RRAGB: variants seen among roughly 807,000 people sequenced by gnomAD.
RRAGB encodes Ras related GTP binding B, also known as ras-related GTP-binding protein B.
A neutral mutation model predicts 29.3 loss-of-function variants in RRAGB; 6 were observed. The observed-to-expected ratio is 0.21, with a 90% CI of 0.11 to 0.40. The LOEUF is 0.40. RRAGB is among the 10% of genes least tolerant of loss of function. The probability of loss-of-function intolerance (pLI) is 1.00; values close to 1 mark genes in which losing one functional copy is unlikely to be tolerated. For synonymous variants in RRAGB, 101 were observed against 92.5 expected (o/e 1.09, Z -0.53); for missense variants, 184 against 272.9 (o/e 0.67, Z 2.29).
At chrX:55,746,099 A>C (rs927362876) in intron 5 of RRAGB, among the ~76,000 whole-genome samples, 3 of 111,458 alleles carry the variant, frequency 2.7e-5, no homozygotes, top group African/African-American at 9.8e-5. Flanking sequence ...AATACTTGGC[A>C]GTGTCCTTCC....
intron 5 of RRAGB, among the ~76,000 whole-genome samples, chrX:55,744,510 T>C (rs2034183923): frequency 9.1e-6 from 1 of 110,348 alleles, no homozygotes. Context: ...GATGGAGTCC[T>C]ACTGCATATG....
intron 2 of RRAGB, 143 bp from the exon 3 acceptor site, chrX:55,722,039 TTTAG>T: frequency 2.7e-6 from 1 of 366,233 alleles, no homozygotes; most frequent in Non-Finnish European, 4.9e-6. Context: ...TTGGGAAGAG[TTTAG>T]TTAGTTGTGA....
intron 8 of RRAGB, among the ~76,000 whole-genome samples, chrX:55,756,214 A>G (rs1485782754): frequency 1.8e-5 from 2 of 111,835 alleles, no homozygotes; most frequent in African/African-American, 3.2e-5. Context: ...TATCCAAGGG[A>G]GTTTTGAAAA....
chrX:55,747,654 G>T (rs2375466), intron 5 of RRAGB, among the ~76,000 whole-genome samples: 55,807 of 110,385 alleles, frequency 0.51, 12,444 homozygotes, highest in East Asian at 0.74. Context: ...GGAATATCCA[G>T]TGGTGGTATT....
intron 5 of RRAGB, among the ~76,000 whole-genome samples, chrX:55,746,141 G>C (rs2034237060): frequency 9.0e-6 from 1 of 111,244 alleles, no homozygotes; most frequent in Non-Finnish European, 1.9e-5. Context: ...TTCATTCAAG[G>C]GGTCTGGTTT....
In RRAGB at chrX:55,736,904, T is replaced by G. The variant is rs766340865; in HGVS notation, c.516+5318T>G. Among the ~76,000 whole-genome samples the G allele has an allele frequency of 2.7e-5, 3 of 112,642 alleles. No homozygotes were observed. The East Asian group carries it at 8.5e-4, about 32-fold the overall frequency. On this transcript the variant is annotated intron_variant, in intron 5 of 9. Coordinates refer to ENST00000374941, the MANE Select transcript of RRAGB (RefSeq NM_006064.5). The stretch of plus-strand genomic sequence containing the variant: ...TCTCATTTCCCCGTGGTGTATATTT[T>G]GTTATTTTTGTGAAAAATATACTGG...
At chrX:55,751,893 G>C (rs759654309) in intron 6 of RRAGB, among the ~76,000 whole-genome samples, 2 of 110,704 alleles carry the variant, frequency 1.8e-5, no homozygotes, top group African/African-American at 3.3e-5. Context: ...AGGTCCTTTT[G>C]GATCCTTCTG....
At chrX:55,756,435 C>T (rs1048950167) in intron 8 of RRAGB, among the ~76,000 whole-genome samples, 40 of 111,401 alleles carry the variant, frequency 3.6e-4, no homozygotes, top group Admixed American at 1.9e-4. Context: ...AAGGAATGGC[C>T]GAACATCATA....
intron 5 of RRAGB, among the ~76,000 whole-genome samples, chrX:55,750,003 C>T (rs1423960037): frequency 2.1e-5 from 2 of 95,938 alleles, no homozygotes; most frequent in African/African-American, 4.0e-5. Context: ...TGTCCTATGA[C>T]CCTGCCAAAT....
At chrX:55,719,890 C>G (rs1811561532) in intron 2 of RRAGB, among the ~76,000 whole-genome samples, 1 of 112,175 alleles carries the variant, frequency 8.9e-6, no homozygotes, top group Non-Finnish European at 1.9e-5. Flanking sequence ...GAGTGCAGCT[C>G]AAGCTAATTT....
intron 3 of RRAGB, among the ~76,000 whole-genome samples, chrX:55,722,586 G>A (rs768479731): frequency 1.9e-4 from 21 of 111,667 alleles, no homozygotes; most frequent in Non-Finnish European, 3.8e-4. Flanking sequence ...TGGGGAGAGT[G>A]TTTTTAACTC....
intron 5 of RRAGB, among the ~76,000 whole-genome samples, chrX:55,740,097 C>T (rs999750110): frequency 6.3e-5 from 7 of 111,193 alleles, no homozygotes; most frequent in Admixed American, 1.9e-4. Context: ...CCGTGGCGGG[C>T]GGATCACAAG....
intron 4 of RRAGB, among the ~76,000 whole-genome samples, chrX:55,730,797 C>G: frequency 9.0e-6 from 1 of 111,275 alleles, no homozygotes; most frequent in Non-Finnish European, 1.9e-5. Flanking sequence ...ATGAAAAACT[C>G]ACAAACAAGT....
intron 5 of RRAGB, among the ~76,000 whole-genome samples, chrX:55,740,175 T>C (rs1239890567): frequency 9.0e-6 from 1 of 110,899 alleles, no homozygotes; most frequent in African/African-American, 3.3e-5. Context: ...TACAAAAAAT[T>C]AGCTGGGCGC....
intron 2 of RRAGB, among the ~76,000 whole-genome samples, chrX:55,720,709 G>A (rs1441636599): frequency 2.8e-5 from 3 of 107,683 alleles, no homozygotes; most frequent in African/African-American, 1.0e-4. Context: ...AAAAATAGCC[G>A]GACATGATGG....
At chrX:55,749,162 A>G (rs1426346366) in intron 5 of RRAGB, among the ~76,000 whole-genome samples, 1 of 88,316 alleles carries the variant, frequency 1.1e-5, no homozygotes, top group Non-Finnish European at 2.2e-5. Flanking sequence ...CTGCCCGGCC[A>G]GCCGCCCCGT....
At chrX:55,732,872 A>T (rs1371247000) in intron 5 of RRAGB, among the ~76,000 whole-genome samples, 1 of 111,918 alleles carries the variant, frequency 8.9e-6, no homozygotes, top group African/African-American at 3.2e-5. Flanking sequence ...AAATTGCAGT[A>T]GAAAAACTTA....
chrX:55,738,817 C>A (rs1264807230), intron 5 of RRAGB, among the ~76,000 whole-genome samples: 1 of 111,616 alleles, frequency 9.0e-6, no homozygotes. Context: ...ATGGAACTCC[C>A]AAAAGTCCCT....
At chrX:55,726,020 A>G (rs2033460794) in intron 3 of RRAGB, among the ~76,000 whole-genome samples, 1 of 111,177 alleles carries the variant, frequency 9.0e-6, no homozygotes, top group African/African-American at 3.3e-5. Flanking sequence ...GAGACTAAAG[A>G]GGGAAGCAGG....
Sources: gnomAD v4.1 joint callset for allele counts (sites outside exome capture counted in the v4.1 genomes callset) on GRCh38, gnomAD v4.1.1 for gene constraint, MANE v1.5 for transcripts, NCBI Gene and HGNC (gene_info 2026-07-23, HGNC 2026-07-21) for gene names.